Variants in MSRA observed in about 807,000 individuals in gnomAD.
MSRA encodes the protein methionine sulfoxide reductase A.
A neutral mutation model predicts 31.3 loss-of-function variants in MSRA; 54 were observed. The ratio of observed to expected loss-of-function variants is 1.73; its 90% CI spans 1.39 to 2.17. The LOEUF (loss-of-function observed/expected upper bound fraction) is 2.17, where lower values mean the gene tolerates loss of function less well. MSRA is among the 30% of genes most tolerant of loss of function. The pLI, the probability that MSRA is intolerant of heterozygous loss-of-function variation, is 0.00. For missense variants in MSRA, 507 were observed against 300.9 expected, an observed-to-expected ratio of 1.69 and a Z score of -5.07; for synonymous variants, 169 against 116.5, an observed-to-expected ratio of 1.45 and a Z score of -2.90.
At chr8:10,409,791 GC>G (rs1808046556) in intron 5 of MSRA, among the ~76,000 whole-genome samples, 1 of 152,276 alleles carries the variant, frequency 6.6e-6, no homozygotes, top group Non-Finnish European at 1.5e-5. Flanking sequence ...GCTGGGCACA[GC>G]GGCCCATGCC....
At chr8:10,235,055 A>G (rs189466883) in intron 2 of MSRA, among the ~76,000 whole-genome samples, 1 of 152,152 alleles carries the variant, frequency 6.6e-6, no homozygotes, top group South Asian at 2.1e-4. Flanking sequence ...TTACATAACA[A>G]ATTGATAAGC....
chr8:10,217,993 C>T (rs1810148678), intron 2 of MSRA, among the ~76,000 whole-genome samples: 1 of 151,958 alleles, frequency 6.6e-6, no homozygotes, highest in South Asian at 2.1e-4. Flanking sequence ...TTAGTCTTGA[C>T]CGAACGATCA....
chr8:10,271,560 A>C, intron 3 of MSRA, among the ~76,000 whole-genome samples: 1 of 152,284 alleles, frequency 6.6e-6, no homozygotes, highest in Non-Finnish European at 1.5e-5. Flanking sequence ...TATATGCAAG[A>C]AACACCTGCC....
chr8:10,129,425 T>C (rs1362054229), intron 1 of MSRA, among the ~76,000 whole-genome samples: 3 of 152,112 alleles, frequency 2.0e-5, no homozygotes, highest in Admixed American at 2.0e-4. Flanking sequence ...AAAATAAATA[T>C]AAAGTGATGA....
intron 1 of MSRA, among the ~76,000 whole-genome samples, chr8:10,132,454 A>G (rs1452923880): frequency 6.6e-6 from 1 of 152,160 alleles, no homozygotes; most frequent in Non-Finnish European, 1.5e-5. Context: ...GGTGGCTTCA[A>G]CAACAAATTT....
intron 3 of MSRA, among the ~76,000 whole-genome samples, chr8:10,289,311 C>G (rs1386577279): frequency 6.6e-6 from 1 of 151,954 alleles, no homozygotes; most frequent in Non-Finnish European, 1.5e-5. Context: ...CTGCACCCAG[C>G]CTTCTTTTTA....
chr8:10,243,402 G>T (rs17750324), intron 2 of MSRA, among the ~76,000 whole-genome samples: 2 of 151,874 alleles, frequency 1.3e-5, no homozygotes, highest in African/African-American at 2.4e-5. Flanking sequence ...CCCAAGGAAT[G>T]CAACAAAGGA....
intron 1 of MSRA, among the ~76,000 whole-genome samples, chr8:10,118,144 G>A (rs1800820071): frequency 6.6e-6 from 1 of 152,108 alleles, no homozygotes; most frequent in African/African-American, 2.4e-5. Context: ...CATTCACCGT[G>A]GCTTTTCTGA....
intron 1 of MSRA, among the ~76,000 whole-genome samples, chr8:10,158,790 A>G (rs1804392290): frequency 1.3e-5 from 2 of 152,184 alleles, no homozygotes; most frequent in Non-Finnish European, 2.9e-5. Flanking sequence ...TGCATTTAAC[A>G]TTTTGAGGAA....
chr8:10,336,849 C>A (rs1307577049), intron 5 of MSRA: 1 of 152,188 alleles, frequency 6.6e-6, no homozygotes, highest in African/African-American at 2.4e-5. Flanking sequence ...CTAGACCCAA[C>A]GTTTGCTGCA....
chr8:10,273,834 T>C (rs1414972256), intron 3 of MSRA, among the ~76,000 whole-genome samples: 2 of 152,130 alleles, frequency 1.3e-5, no homozygotes, highest in African/African-American at 4.8e-5. Context: ...AGAAAGAGAA[T>C]TGGAGGCTTA....
At chr8:10,380,502 G>A (rs1375257504) in intron 5 of MSRA, among the ~76,000 whole-genome samples, 2 of 152,230 alleles carry the variant, frequency 1.3e-5, no homozygotes, top group African/African-American at 4.8e-5. Context: ...TGCTGATGGT[G>A]TGGCCTCTTT....
chr8:10,375,724 C>T (rs1230344976), intron 5 of MSRA, among the ~76,000 whole-genome samples: 11 of 152,220 alleles, frequency 7.2e-5, no homozygotes, highest in Admixed American at 5.9e-4. Flanking sequence ...GTGCCTGCAA[C>T]ACCTCAAAGA....
At chr8:10,344,756 T>G (rs1803665012) in intron 5 of MSRA, among the ~76,000 whole-genome samples, 2 of 152,190 alleles carry the variant, frequency 1.3e-5, no homozygotes, top group East Asian at 3.9e-4. Context: ...ACCAACACAT[T>G]CTCCATTACT....
chr8:10,258,014 C>T (rs769021970), intron 3 of MSRA, among the ~76,000 whole-genome samples: 2 of 152,122 alleles, frequency 1.3e-5, no homozygotes, highest in African/African-American at 2.4e-5. Flanking sequence ...AGGTTTTAGT[C>T]GTTTCCAAGT....
chr8:10,287,627 G>A lies in MSRA; in HGVS notation c.332-13907G>A, dbSNP rs187107146. ...CTCATGCGTTGGACTTACTATTAGTGTCTTGGTCTGGTGAATTTTTGCTCA... is the reference window on the plus strand; with the variant it reads ...CTCATGCGTTGGACTTACTATTAGTATCTTGGTCTGGTGAATTTTTGCTCA... On this transcript the variant is annotated intron_variant, in intron 3 of 5. Transcript: ENST00000317173. 1.1e-4 allele frequency among the ~76,000 whole-genome samples: 16 copies of A among 152,252 alleles called. No homozygotes were observed. The East Asian group carries it at 2.9e-3, about 28-fold the overall frequency.
chr8:10,145,345 G>A (rs762179990), intron 1 of MSRA, among the ~76,000 whole-genome samples: 12 of 152,172 alleles, frequency 7.9e-5, no homozygotes, highest in Non-Finnish European at 1.3e-4. Flanking sequence ...AAGACATTTC[G>A]GTTAGATAAG....
Position 10,055,598 on chromosome 8 carries a change from G to T in MSRA, c.142+940G>T, listed in dbSNP as rs1585053137. Reference sequence around the variant, plus strand: ...AATCTCTAAAACAAGTCCTCCAGGTGATTGTAATGTACGCTGTAGCTTGTA... The same window carrying T: ...AATCTCTAAAACAAGTCCTCCAGGTTATTGTAATGTACGCTGTAGCTTGTA... On this transcript the variant is annotated intron_variant, in intron 1 of 5. Coordinates refer to ENST00000317173, the MANE Select transcript of MSRA (RefSeq NM_012331.5). Among the ~76,000 whole-genome samples the T allele has an allele frequency of 2.0e-5, 3 of 152,372 alleles. No homozygotes were observed. The Middle Eastern group carries it at 0.01, about 518-fold the overall frequency.
At chr8:10,404,971 G>A (rs1391696502) in intron 5 of MSRA, among the ~76,000 whole-genome samples, 1 of 152,238 alleles carries the variant, frequency 6.6e-6, no homozygotes, top group African/African-American at 2.4e-5. Context: ...TGGCCGAGCT[G>A]CCTTAGGCCA....
Sources: gnomAD v4.1 joint callset for allele counts (sites outside exome capture counted in the v4.1 genomes callset) on GRCh38, gnomAD v4.1.1 for gene constraint, MANE v1.5 for transcripts, NCBI Gene and HGNC (gene_info 2026-07-23, HGNC 2026-07-21) for gene names.